DNAH12: variants seen among roughly 807,000 people sequenced by gnomAD.
The protein encoded by DNAH12 is axonemal beta dynein heavy chain 12.
In DNAH12, 285 loss-of-function variants were observed where a neutral mutation model predicts 371.5. That is an observed-to-expected ratio of 0.77 (90% CI 0.70 to 0.85). The LOEUF (loss-of-function observed/expected upper bound fraction) is 0.85, where lower values mean the gene tolerates loss of function less well. Among genes scored for constraint, DNAH12 ranks in the 40% least tolerant of loss-of-function variants. The pLI is 0.00. For synonymous variants in DNAH12, 1,200 were observed against 1,213.0 expected, an observed-to-expected ratio of 0.99 and a Z score of 0.22; for missense variants, 3,611 against 3,689.4, an observed-to-expected ratio of 0.98 and a Z score of 0.55.
At chr3:57,418,557 A>AAAAAAAAAAAAC (rs797009937) in intron 37 of DNAH12, among the ~76,000 whole-genome samples, 1 of 150,240 alleles carries the variant, frequency 6.7e-6, no homozygotes, top group African/African-American at 2.5e-5. Flanking sequence ...AAAACAAAAA[A>AAAAAAAAAAAAC]CTGCTATACT....
chr3:57,510,771 T>A lies in DNAH12; in HGVS notation c.469+19A>T, dbSNP rs2067963591. ...AGGCCAAGGTGAAAGAAGCCTGGTG[T>A]GTGTTAGATGCTACTTACCCAAATA... On this transcript the variant is annotated intron_variant, in intron 5 of 73. Coordinates refer to ENST00000495027, the MANE Select transcript of DNAH12 (RefSeq NM_001366028.2). 1 of 1,607,624 alleles carries A rather than the reference T, an allele frequency of 6.2e-7. No homozygotes were observed. The highest frequency in any genetic ancestry group is 1.7e-5 in the Admixed American group (1 of 57,786).
chr3:57,502,423 G>A lies in DNAH12; in HGVS notation c.1143C>T (p.Asp381=). ...GTAACACGTGTTCAGGAAGTTCTGTGTCAAGATTTACTGGTGTTGAAGTTC... is the reference window on the plus strand; with the variant it reads ...GTAACACGTGTTCAGGAAGTTCTGTATCAAGATTTACTGGTGTTGAAGTTC... The part of the protein sequence containing the change: ...LSGTSTPVNL[D]TELPEHVLHW... Residue 381 remains aspartate (D), a synonymous_variant, in exon 10 of 74, where the codon GAC becomes GAT. Transcript: ENST00000495027. 1 of 1,614,166 alleles carries A rather than the reference G, an allele frequency of 6.2e-7. No homozygotes were observed. The highest frequency in any genetic ancestry group is 8.5e-7 in the Non-Finnish European group (1 of 1,180,034).
At chr3:57,443,168 G>GGC (rs2153369520) in intron 29 of DNAH12, among the ~76,000 whole-genome samples, 2 of 152,252 alleles carry the variant, frequency 1.3e-5, no homozygotes, top group Admixed American at 1.3e-4. Flanking sequence ...GGAGTGCAAT[G>GGC]GCGCAATCTC....
chr3:57,351,996 T>C (rs891044885), intron 60 of DNAH12, 89 bp downstream of exon 60: 23 of 1,315,294 alleles, frequency 1.7e-5, no homozygotes, highest in South Asian at 1.4e-4. Context: ...AAGAAAAATA[T>C]AGACTTCTGT....
At chr3:57,486,173 C>A (rs1205077223) in intron 12 of DNAH12, among the ~76,000 whole-genome samples, 1 of 143,446 alleles carries the variant, frequency 7.0e-6, no homozygotes, top group Non-Finnish European at 1.5e-5. Flanking sequence ...TGCAGTGAGA[C>A]TCCATCTCAA....
intron 40 of DNAH12, among the ~76,000 whole-genome samples, chr3:57,407,145 C>T (rs2064057905): frequency 6.6e-6 from 1 of 152,108 alleles, no homozygotes; most frequent in African/African-American, 2.4e-5. Context: ...GATCCGCCCA[C>T]CTTGGCCTCC....
rs114542494 is a variant in DNAH12 at position 57,506,965 on chromosome 3, C to T, written c.897+678G>A. ...ACTTTTATTAAATAATCACAGTCCT[C>T]TTAAGAGGGTAAAGGTAGAAAGGAA... is the stretch of plus-strand genomic sequence containing the variant. On this transcript the variant is annotated intron_variant, in intron 8 of 73. Transcript: ENST00000495027. 9.2e-3 allele frequency among the ~76,000 whole-genome samples: 1,401 copies of T among 151,648 alleles called. 25 individuals are homozygous for T. Among genetic ancestry groups the T allele is most frequent in the African/African-American group, 0.032 (1,321 of 41,320 alleles).
chr3:57,453,435 AT>A, intron 23 of DNAH12, 32 bp from the exon 24 acceptor site: 2 of 1,468,418 alleles, frequency 1.4e-6, no homozygotes, highest in Non-Finnish European at 9.1e-7. Flanking sequence ...AATCTAATTG[AT>A]GTCACATCAT....
intron 42 of DNAH12, among the ~76,000 whole-genome samples, chr3:57,404,595 C>T (rs2063969017): frequency 6.6e-6 from 1 of 152,094 alleles, no homozygotes; most frequent in African/African-American, 2.4e-5. Flanking sequence ...CGGCGCATGC[C>T]TGTACTCCCA....
At chr3:57,430,970 C>G (rs2064938216) in intron 32 of DNAH12, among the ~76,000 whole-genome samples, 1 of 152,226 alleles carries the variant, frequency 6.6e-6, no homozygotes, top group Non-Finnish European at 1.5e-5. Context: ...TTCAACTGCA[C>G]TAATCCACAC....
chr3:57,528,328 T>A (rs115610061), intron 2 of DNAH12, among the ~76,000 whole-genome samples: 1,532 of 151,314 alleles, frequency 0.01, 29 homozygotes, highest in African/African-American at 0.035. Flanking sequence ...GCACCCGGCC[T>A]AGGATTGTTT....
intron 55 of DNAH12, among the ~76,000 whole-genome samples, chr3:57,369,089 G>A (rs1027560520): frequency 1.5e-4 from 22 of 151,296 alleles, no homozygotes; most frequent in African/African-American, 4.8e-4. Flanking sequence ...GCGCAGTGGT[G>A]GGTGCCTGTA....
chr3:57,447,989 T>G (rs1017954217), intron 25 of DNAH12, among the ~76,000 whole-genome samples: 2 of 152,150 alleles, frequency 1.3e-5, no homozygotes, highest in African/African-American at 4.8e-5. Context: ...TATTTTAAAT[T>G]TATAATGGAT....
At chr3:57,514,016 C>T (rs931888953) in intron 4 of DNAH12, among the ~76,000 whole-genome samples, 1 of 152,152 alleles carries the variant, frequency 6.6e-6, no homozygotes, top group Admixed American at 6.5e-5. Context: ...TGCATACATT[C>T]GTGTTCTGTG....
rs368479091 is a variant in DNAH12 at position 57,489,615 on chromosome 3, G to A, written c.1408C>T (p.Arg470Cys). The A allele has an allele frequency of 1.5e-5, 23 of 1,539,722 alleles. No homozygotes were observed. Among genetic ancestry groups the A allele is most frequent in the Admixed American group, 4.1e-5 (2 of 48,612 alleles). ...GTCTTCAAATCTTCACAATCCAAAC[G>A]CACCATAGTGTAATGAATCCACTGA... ...LPQWIHYTMV[R>C]LDCEDLKTGL... The change falls in exon 12 of 74, where the codon CGT becomes TGT. Residue 470 changes from arginine to cysteine, a missense_variant. Coordinates refer to ENST00000495027, the MANE Select transcript of DNAH12 (RefSeq NM_001366028.2).
chr3:57,371,965 A>AAAAAAAAAAAAAAAAAT (rs1366790985), intron 55 of DNAH12, among the ~76,000 whole-genome samples: 1 of 142,638 alleles, frequency 7.0e-6, no homozygotes, highest in African/African-American at 2.6e-5. Context: ...AAAAAAAAAA[A>AAAAAAAAAAAAAAAAAT]TTCTTTCAAA....
intron 11 of DNAH12, 58 bp from the exon 12 acceptor site, chr3:57,489,745 A>C (rs994699902): frequency 7.1e-7 from 1 of 1,409,376 alleles, no homozygotes; most frequent in African/African-American, 1.5e-5. Flanking sequence ...GTGATTTTAT[A>C]ATATTGTATT....
intron 52 of DNAH12, among the ~76,000 whole-genome samples, chr3:57,378,603 G>T (rs1220281073): frequency 2.0e-5 from 3 of 152,114 alleles, no homozygotes; most frequent in Non-Finnish European, 4.4e-5. Flanking sequence ...CAAGCTGCAA[G>T]GGCAAAGCCT....
chr3:57,523,276 C>A (rs900768708), intron 4 of DNAH12, among the ~76,000 whole-genome samples: 6 of 151,976 alleles, frequency 3.9e-5, no homozygotes, highest in Non-Finnish European at 8.8e-5. Context: ...CCCAGCTACT[C>A]AGGAGGCTGA....
Sources: gnomAD v4.1 joint callset for allele counts (sites outside exome capture counted in the v4.1 genomes callset) on GRCh38, gnomAD v4.1.1 for gene constraint, MANE v1.5 for transcripts, NCBI Gene and HGNC (gene_info 2026-07-23, HGNC 2026-07-21) for gene names.